POFUT4: variants seen among roughly 807,000 people sequenced by gnomAD.
The protein encoded by POFUT4 is protein O-fucosyltransferase 4.
the POFUT4 span, chr10:73,773,335 G>A: frequency 6.2e-7 from 1 of 1,614,198 alleles, no homozygotes; most frequent in Admixed American, 1.7e-5. Flanking sequence ...AATGCCATCT[G>A]TAACGACTAC....
At chr10:73,780,222 G>A in the POFUT4 span, 2 of 152,252 alleles carry the variant, frequency 1.3e-5, no homozygotes, top group South Asian at 4.1e-4. Flanking sequence ...CTCAGGTTTC[G>A]TTTTGTGTAA....
the POFUT4 span, chr10:73,772,425 AGGCCGGCGGGGAGGCGGAGTGGGC>A: frequency 1.3e-6 from 2 of 1,569,442 alleles, no homozygotes; most frequent in African/African-American, 1.4e-5. Context: ...GCGGAGAGGG[AGGCCGGCGGGGAGGCGGAGTGGGC>A]GGAACCGTGG....
At chr10:73,775,524 C>T in the POFUT4 span, 47 of 1,614,110 alleles carry the variant, frequency 2.9e-5, no homozygotes, top group Non-Finnish European at 3.6e-5. Context: ...AATCCAACCC[C>T]CATTTTGATA....
the POFUT4 span, chr10:73,775,209 TG>T: frequency 1.7e-6 from 1 of 589,282 alleles, no homozygotes; most frequent in East Asian, 2.8e-5. Flanking sequence ...TAAAGACCCC[TG>T]CCCCCTTGCT....
the POFUT4 span, among the ~76,000 whole-genome samples, chr10:73,777,310 C>CAA: frequency 3.5e-5 from 3 of 86,556 alleles, no homozygotes; most frequent in Admixed American, 1.2e-4. Context: ...AGTAGGTTGA[C>CAA]AAAAAAAAAA....
the POFUT4 span, chr10:73,773,728 A>C: frequency 1.2e-6 from 2 of 1,614,030 alleles, no homozygotes; most frequent in African/African-American, 2.7e-5. Flanking sequence ...CCCGTCTTTG[A>C]GCCCCACATT....
chr10:73,772,661 C>T, the POFUT4 span: 1 of 1,557,138 alleles, frequency 6.4e-7, no homozygotes, highest in Non-Finnish European at 8.7e-7. Flanking sequence ...CCGGAACCGC[C>T]GAGCGCTGAG....
At chr10:73,779,105 T>C in the POFUT4 span, 1 of 131,400 alleles carries the variant, frequency 7.6e-6, no homozygotes, top group Non-Finnish European at 1.6e-5. Context: ...CCTTCAAAAA[T>C]ATATCTAAGC....
At chr10:73,777,337 AAG>A in the POFUT4 span, among the ~76,000 whole-genome samples, 1 of 152,016 alleles carries the variant, frequency 6.6e-6, no homozygotes, top group Non-Finnish European at 1.5e-5. Flanking sequence ...CCAGGAAAAA[AAG>A]TGCAAATTTT....
chr10:73,775,593 G>A, the POFUT4 span: 19 of 1,614,224 alleles, frequency 1.2e-5, no homozygotes, highest in Admixed American at 1.2e-4. Context: ...CCAGGGGGAA[G>A]CTCTCACTGC....
chr10:73,772,432 CG>C, the POFUT4 span: 1 of 1,566,558 alleles, frequency 6.4e-7, no homozygotes, highest in Non-Finnish European at 8.6e-7. Flanking sequence ...GGGAGGCCGG[CG>C]GGGAGGCGGA....
chr10:73,779,959 C>G, the POFUT4 span: 2 of 152,296 alleles, frequency 1.3e-5, no homozygotes, highest in South Asian at 4.1e-4. Context: ...CAGTGTAAAC[C>G]AGGTATTACA....
chr10:73,775,151 C>T, the POFUT4 span: 5 of 471,078 alleles, frequency 1.1e-5, no homozygotes, highest in East Asian at 1.0e-4. Flanking sequence ...TTTGATGCAC[C>T]TTCATTTTGA....
At chr10:73,773,470 C>T in the POFUT4 span, 1 of 1,614,208 alleles carries the variant, frequency 6.2e-7, no homozygotes, top group Non-Finnish European at 8.5e-7. Flanking sequence ...TTTGAGTCTC[C>T]TCAGAAGCTG....
the POFUT4 span, chr10:73,773,531 C>G: frequency 6.2e-7 from 1 of 1,614,228 alleles, no homozygotes; most frequent in Non-Finnish European, 8.5e-7. Flanking sequence ...ATATGAAATA[C>G]CTGGCATACA....
chr10:73,780,163 G>A, the POFUT4 span: 1 of 152,212 alleles, frequency 6.6e-6, no homozygotes, highest in African/African-American at 2.4e-5. Flanking sequence ...GTGTGGAGGT[G>A]GAGTGCAAGG....
At chr10:73,776,155 T>A in the POFUT4 span, 18 of 153,658 alleles carry the variant, frequency 1.2e-4, no homozygotes, top group African/African-American at 3.6e-4. Context: ...AAGCAAAACA[T>A]TTGGTGAGTT....
At chr10:73,773,956 CTAGTT>C in the POFUT4 span, 2 of 918,412 alleles carry the variant, frequency 2.2e-6, no homozygotes, top group Non-Finnish European at 3.2e-6. Context: ...TGTCAACAGT[CTAGTT>C]GGGGGGATAA....
chr10:73,780,074 C>T, the POFUT4 span: 4 of 152,210 alleles, frequency 2.6e-5, no homozygotes, highest in African/African-American at 9.7e-5. Flanking sequence ...GATTTGGGGC[C>T]CAGCCTGCTG....
Sources: gnomAD v4.1 joint callset for allele counts (sites outside exome capture counted in the v4.1 genomes callset) on GRCh38, gnomAD v4.1.1 for gene constraint, MANE v1.5 for transcripts, NCBI Gene and HGNC (gene_info 2026-07-23, HGNC 2026-07-21) for gene names.